AGPAT3: variants seen among roughly 807,000 people sequenced by gnomAD.
AGPAT3 encodes 1-acyl-sn-glycerol-3-phosphate acyltransferase gamma.
A neutral mutation model predicts 47.3 loss-of-function variants in AGPAT3; 5 were observed. That is an observed-to-expected ratio of 0.11 (90% CI 0.06 to 0.22). AGPAT3 has a LOEUF of 0.22. Ranked by LOEUF, AGPAT3 falls within the 10% of genes least tolerant of loss-of-function variation. The pLI, the probability that AGPAT3 is intolerant of heterozygous loss-of-function variation, is 1.00. For synonymous variants in AGPAT3, 212 were observed against 208.3 expected, an observed-to-expected ratio of 1.02 and a Z score of -0.15; for missense variants, 315 against 493.0, an observed-to-expected ratio of 0.64 and a Z score of 3.42.
intron 2 of AGPAT3, among the ~76,000 whole-genome samples, chr21:43,929,784 G>T (rs753920312): frequency 1.5e-4 from 23 of 152,232 alleles, no homozygotes; most frequent in Non-Finnish European, 2.9e-4. Flanking sequence ...GGGCCCGTGA[G>T]TGCTGGGCCT....
intron 3 of AGPAT3, among the ~76,000 whole-genome samples, chr21:43,963,707 C>CAAAAAA (rs10582784): frequency 5.2e-4 from 34 of 65,604 alleles, no homozygotes; most frequent in African/African-American, 5.9e-4. Flanking sequence ...GACTCTGTCT[C>CAAAAAA]AAAAAAAAAA....
At chr21:43,962,313 T>A (rs2088914780) in intron 3 of AGPAT3, among the ~76,000 whole-genome samples, 1 of 152,144 alleles carries the variant, frequency 6.6e-6, no homozygotes, top group South Asian at 2.1e-4. Flanking sequence ...GTTTGTTTCC[T>A]TTTTTAAATG....
chr21:43,980,823 A>G (rs2089822383), intron 8 of AGPAT3, among the ~76,000 whole-genome samples, 166 bp from the exon 9 acceptor site: 2 of 152,224 alleles, frequency 1.3e-5, no homozygotes, highest in Non-Finnish European at 2.9e-5. Context: ...CCAAAAACGT[A>G]CAGCCAGCTT....
In AGPAT3 at chr21:43,952,660, T is replaced by C. The variant is rs763645779; in HGVS notation, c.-48-6974T>C. Among the ~76,000 whole-genome samples the C allele has an allele frequency of 1.1e-4, 16 of 151,974 alleles. No individual in the cohort carries two copies. The highest frequency in any genetic ancestry group is 1.5e-4 in the Non-Finnish European group (10 of 68,012). On this transcript the variant is annotated intron_variant, in intron 2 of 9. Transcript: ENST00000291572. The surrounding 1 kb of genome is among the most constrained non-coding windows in gnomAD (Gnocchi z 5.6). ...TTCCGGGCAACCTAAATCTGTTGTT[T>C]AATGAAGACGCGCTGGCACCAAGCT...
chr21:43,977,615 C>T (rs1322899819), intron 7 of AGPAT3, among the ~76,000 whole-genome samples: 4 of 152,152 alleles, frequency 2.6e-5, no homozygotes, highest in East Asian at 1.9e-4. Flanking sequence ...CAGTGGCTCA[C>T]GCCTGTAATC....
At chr21:43,905,949 G>T (rs1364423696) in intron 2 of AGPAT3, among the ~76,000 whole-genome samples, 1 of 152,216 alleles carries the variant, frequency 6.6e-6, no homozygotes, top group Non-Finnish European at 1.5e-5. Flanking sequence ...CTGTGGATGA[G>T]GTTTTGCTTC....
rs532564633 is a variant in AGPAT3, at chr21:43,953,979, C to T, written c.-48-5655C>T. Among the ~76,000 whole-genome samples, 6 of 152,266 alleles carry T rather than the reference C, an allele frequency of 3.9e-5. No homozygotes were observed. In the East Asian group the frequency reaches 1.2e-3, roughly 29 times the overall value. Reference sequence around the variant, plus strand: ...CATCGCTGCCCTCCAGCCTGGGTGACAGAGTGATATTCTGTCTCTATAAAT... The same window carrying T: ...CATCGCTGCCCTCCAGCCTGGGTGATAGAGTGATATTCTGTCTCTATAAAT... On this transcript the variant is annotated intron_variant, in intron 2 of 9. Coordinates refer to ENST00000291572, the MANE Select transcript of AGPAT3 (RefSeq NM_020132.5).
At position 43,967,751 on chromosome 21, in the gene AGPAT3, C is replaced by A. The variant is rs545580537; in HGVS notation, c.179-195C>A. The A allele has an allele frequency of 3.8e-5, 22 of 578,130 alleles. No homozygotes were observed. In the African/African-American group the frequency reaches 3.9e-4, roughly 10 times the overall value. The allele number at this position is 578,130 out of a possible 1,614,324, so 35.8% of individuals were successfully genotyped here. A position where few individuals can be genotyped will look rare whatever the true frequency, so the allele number is the denominator to read the frequency against. On this transcript the variant is annotated intron_variant, in intron 3 of 9. Transcript: ENST00000291572. ...CTCCCTTTCTGCTGCTACCTTCCAT[C>A]TGTCTCCTCCCAACTGTTGCTTAGA...
At chr21:43,961,312 C>T (rs1012617252) in intron 3 of AGPAT3, among the ~76,000 whole-genome samples, 13 of 152,026 alleles carry the variant, frequency 8.6e-5, no homozygotes, top group African/African-American at 1.2e-4. Flanking sequence ...ATATGGGAAA[C>T]GGTGAGCGCA....
rs2085479241 is a variant in AGPAT3, at chr21:43,865,341, T to C, written c.-116T>C. ...CGCGCGACGAGCAGGTGGCGGCGGC[T>C]GCAGGTGAGCACCGAGGCCCCCACC... On this transcript the variant is annotated 5_prime_UTR_variant, in exon 1 of 10. Coordinates refer to ENST00000291572, the MANE Select transcript of AGPAT3 (RefSeq NM_020132.5). 1 of 146,284 alleles carries C rather than the reference T, an allele frequency of 6.8e-6. No individual in the cohort carries two copies. The highest frequency in any genetic ancestry group is 2.5e-5 in the African/African-American group (1 of 40,624). 9.1% of individuals were successfully genotyped at this position (146,284 alleles called of 1,614,324 possible). A position where few individuals can be genotyped will look rare whatever the true frequency, so the allele number is the denominator to read the frequency against.
At position 43,954,186 on chromosome 21, in the gene AGPAT3, G is replaced by A. The variant is rs2088330142; in HGVS notation, c.-48-5448G>A. Among the ~76,000 whole-genome samples, 1 of 152,214 alleles carries A rather than the reference G, an allele frequency of 6.6e-6. No individual in the cohort carries two copies. Among genetic ancestry groups the A allele is most frequent in the South Asian group, 2.1e-4 (1 of 4,834 alleles). ...CCAAAGGACTTTGAAGCTGGAGGCGGGGACCGGTGTGGCCAAGCAGGGCAC... is the reference window on the plus strand; with the variant it reads ...CCAAAGGACTTTGAAGCTGGAGGCGAGGACCGGTGTGGCCAAGCAGGGCAC... On this transcript the variant is annotated intron_variant, in intron 2 of 9. Coordinates refer to ENST00000291572, the MANE Select transcript of AGPAT3 (RefSeq NM_020132.5). The surrounding 1 kb of genome is among the most constrained non-coding windows in gnomAD (Gnocchi z 4.0).
intron 1 of AGPAT3, among the ~76,000 whole-genome samples, chr21:43,870,487 G>A (rs2085601254): frequency 6.6e-6 from 1 of 151,868 alleles, no homozygotes; most frequent in African/African-American, 2.4e-5. Flanking sequence ...TGAGGCACGT[G>A]GATCACTTGA....
rs1454774776 is a variant in AGPAT3, at chr21:43,984,266, T to C, written c.*1874T>C. 6.6e-6 allele frequency: 1 copy of C among 152,348 alleles called. No individual in the cohort carries two copies. The highest frequency in any genetic ancestry group is 1.5e-5 in the Non-Finnish European group (1 of 68,096). The allele number at this position is 152,348 out of a possible 1,614,324, so 9.4% of individuals were successfully genotyped here. A position where few individuals can be genotyped will look rare whatever the true frequency, so the allele number is the denominator to read the frequency against. On this transcript the variant is annotated 3_prime_UTR_variant, in exon 10 of 10. Transcript: ENST00000291572. Reference sequence around the variant, plus strand: ...TGGGCAGGGCATGCGCTCCCCTGGCTGAGCACCCCAGAGATTCTCCTGCAC... The same window carrying C: ...TGGGCAGGGCATGCGCTCCCCTGGCCGAGCACCCCAGAGATTCTCCTGCAC...
chr21:43,893,308 A>G (rs1433543426), intron 1 of AGPAT3, among the ~76,000 whole-genome samples: 1 of 152,154 alleles, frequency 6.6e-6, no homozygotes, highest in African/African-American at 2.4e-5. Context: ...AACTGTCTCA[A>G]CCTTCACAGA....
chr21:43,957,891 C>T (rs1444108651), intron 2 of AGPAT3, among the ~76,000 whole-genome samples: 1 of 152,214 alleles, frequency 6.6e-6, no homozygotes, highest in East Asian at 1.9e-4. Flanking sequence ...GGAGGGGGGC[C>T]ACCGGCTTCC....
rs778503601 is a variant in AGPAT3 at position 43,978,056 on chromosome 21, C to T, written c.778C>T (p.Leu260=). 2 of 1,613,116 alleles carry T rather than the reference C, an allele frequency of 1.2e-6. No individual in the cohort carries two copies. Among genetic ancestry groups the T allele is most frequent in the East Asian group, 4.5e-5 (2 of 44,882 alleles). The change falls in exon 8 of 10, where the codon CTG becomes TTG. Residue 260 remains leucine, a synonymous_variant. Coordinates refer to ENST00000291572, the MANE Select transcript of AGPAT3 (RefSeq NM_020132.5). ...EADMCVRRFP[L]EDIPLDEKEA... is the part of the protein sequence containing the mutation. ...TTCTTCATAAAACAGGAGATTTCCT[C>T]TGGAAGACATCCCGCTGGATGAAAA... is the stretch of plus-strand genomic sequence containing the variant.
In AGPAT3 at chr21:43,985,276, G is replaced by A. The variant is rs1165344799; in HGVS notation, c.*2884G>A. The A allele has an allele frequency of 2.2e-6, 1 of 455,158 alleles. No individual in the cohort carries two copies. The highest frequency in any genetic ancestry group is 4.4e-6 in the Non-Finnish European group (1 of 226,318). The allele number at this position is 455,158 out of a possible 1,614,324, so 28.2% of individuals were successfully genotyped here. A position where few individuals can be genotyped will look rare whatever the true frequency, so the allele number is the denominator to read the frequency against. ...TACTCGGCGACAGTGTACCAGACGC[G>A]CACCCTATGTGAGGTGCTTTAAGGT... is the stretch of plus-strand genomic sequence containing the variant. On this transcript the variant is annotated 3_prime_UTR_variant, in exon 10 of 10. Coordinates refer to ENST00000291572, the MANE Select transcript of AGPAT3 (RefSeq NM_020132.5).
chr21:43,929,897 G>T (rs76491980), intron 2 of AGPAT3, among the ~76,000 whole-genome samples: 1 of 152,218 alleles, frequency 6.6e-6, no homozygotes, highest in East Asian at 1.9e-4. Context: ...GTGAGATGGC[G>T]CTCCCAGCGA....
In AGPAT3 at chr21:43,985,272, A is replaced by G. The variant is rs1053679942; in HGVS notation, c.*2880A>G. ...CTGGTACTCGGCGACAGTGTACCAGACGCGCACCCTATGTGAGGTGCTTTA... is the reference window on the plus strand; with the variant it reads ...CTGGTACTCGGCGACAGTGTACCAGGCGCGCACCCTATGTGAGGTGCTTTA... On this transcript the variant is annotated 3_prime_UTR_variant, in exon 10 of 10. Coordinates refer to ENST00000291572, the MANE Select transcript of AGPAT3 (RefSeq NM_020132.5). 1.3e-5 allele frequency: 6 copies of G among 455,526 alleles called. No individual in the cohort carries two copies. The East Asian group carries it at 3.5e-4, about 26-fold the overall frequency. The allele number at this position is 455,526 out of a possible 1,614,324, so 28.2% of individuals were successfully genotyped here. A position where few individuals can be genotyped will look rare whatever the true frequency, so the allele number is the denominator to read the frequency against.
Sources: allele counts gnomAD v4.1 joint callset (sites outside exome capture counted in the v4.1 genomes callset), GRCh38; gene constraint gnomAD v4.1.1; non-coding constraint Gnocchi (gnomAD v3.1); transcripts MANE v1.5; gene names NCBI Gene and HGNC (gene_info 2026-07-23, HGNC 2026-07-21).